ARHGAP15: variants seen among roughly 807,000 people sequenced by gnomAD.
The protein encoded by ARHGAP15 is Rho GTPase activating protein 15.
A neutral mutation model predicts 63.7 loss-of-function variants in ARHGAP15; 51 were observed. The ratio of observed to expected loss-of-function variants is 0.80; its 90% CI spans 0.64 to 1.01. The LOEUF is 1.01. ARHGAP15 is among the 50% of genes least tolerant of loss of function. ARHGAP15 has a pLI of 0.00. For synonymous variants in ARHGAP15, 191 were observed against 193.8 expected, an observed-to-expected ratio of 0.99 and a Z score of 0.12; for missense variants, 560 against 564.6, an observed-to-expected ratio of 0.99 and a Z score of 0.08.
intron 6 of ARHGAP15, among the ~76,000 whole-genome samples, chr2:143,413,018 T>G (rs1045537395): frequency 6.6e-6 from 1 of 152,210 alleles, no homozygotes; most frequent in Non-Finnish European, 1.5e-5. Context: ...TTCATCTTAC[T>G]TATATTTTGA....
intron 6 of ARHGAP15, among the ~76,000 whole-genome samples, chr2:143,332,497 A>C (rs761444966): frequency 6.6e-6 from 1 of 152,190 alleles, no homozygotes; most frequent in Non-Finnish European, 1.5e-5. Context: ...GAAAAGATGA[A>C]TATCACTTCA....
intron 12 of ARHGAP15, among the ~76,000 whole-genome samples, chr2:143,626,324 G>A (rs533336984): frequency 2.0e-5 from 3 of 152,160 alleles, no homozygotes; most frequent in Non-Finnish European, 4.4e-5. Flanking sequence ...AGAAGAGAGA[G>A]GAGACTTCGT....
At chr2:143,385,829 A>AT (rs1687266353) in intron 6 of ARHGAP15, among the ~76,000 whole-genome samples, 1 of 152,068 alleles carries the variant, frequency 6.6e-6, no homozygotes, top group Non-Finnish European at 1.5e-5. Context: ...ATTGATCTAG[A>AT]TTTTTTAGGT....
In ARHGAP15 at chr2:143,253,142, A is replaced by C. The variant is rs75203971; in HGVS notation, c.474+2542A>C. On this transcript the variant is annotated intron_variant, in intron 6 of 13. Coordinates refer to ENST00000295095, the MANE Select transcript of ARHGAP15 (RefSeq NM_018460.4). ...TTACAGATAGCAAATGACTATTGAGATTTTTGGTTCAAGGAAAATCAAAGA... is the reference window on the plus strand; with the variant it reads ...TTACAGATAGCAAATGACTATTGAGCTTTTTGGTTCAAGGAAAATCAAAGA... Among the ~76,000 whole-genome samples, 1,487 of 152,064 alleles carry C rather than the reference A, an allele frequency of 9.8e-3. 13 individuals are homozygous for C. The highest frequency in any genetic ancestry group is 0.015 in the Non-Finnish European group (1,045 of 67,952).
intron 2 of ARHGAP15, chr2:143,162,451 A>G (rs549802417): frequency 6.6e-6 from 1 of 152,122 alleles, no homozygotes; most frequent in Admixed American, 6.6e-5. Context: ...GCAGAGCAGT[A>G]CTAGAGATTA....
At chr2:143,563,841 T>G (rs1327439919) in intron 11 of ARHGAP15, 1 of 152,268 alleles carries the variant, frequency 6.6e-6, no homozygotes, top group East Asian at 1.9e-4. Context: ...CGGCCTTGAC[T>G]GCATATCAGA....
chr2:143,211,559 C>T (rs1268907801), intron 3 of ARHGAP15, among the ~76,000 whole-genome samples: 1 of 152,022 alleles, frequency 6.6e-6, no homozygotes, highest in South Asian at 2.1e-4. Context: ...GCTAAATCTG[C>T]TTGATAATTA....
chr2:143,326,356 G>A (rs1361924528), intron 6 of ARHGAP15, among the ~76,000 whole-genome samples: 1 of 152,092 alleles, frequency 6.6e-6, no homozygotes, highest in Non-Finnish European at 1.5e-5. Flanking sequence ...GTGACAAAAT[G>A]GAAGTTCAGA....
intron 6 of ARHGAP15, among the ~76,000 whole-genome samples, chr2:143,425,439 C>A (rs10200379): frequency 0.54 from 81,471 of 151,148 alleles, 22,314 homozygotes; most frequent in Admixed American, 0.61. Context: ...ATACGTATCA[C>A]TACATCATAT....
intron 13 of ARHGAP15, among the ~76,000 whole-genome samples, chr2:143,728,546 A>C (rs1685387346): frequency 6.6e-6 from 1 of 152,190 alleles, no homozygotes; most frequent in Non-Finnish European, 1.5e-5. Flanking sequence ...AACCTAAATT[A>C]ATATTTGTAA....
At chr2:143,531,127 C>CTTGCGTGTGTGTGCGT (rs1553497438) in intron 10 of ARHGAP15, among the ~76,000 whole-genome samples, 1 of 151,880 alleles carries the variant, frequency 6.6e-6, no homozygotes, top group African/African-American at 2.4e-5. Context: ...TGTGTGTGCG[C>CTTGCGTGTGTGTGCGT]GCATGTGTGT....
At chr2:143,611,413 A>G (rs1291358850) in intron 11 of ARHGAP15, among the ~76,000 whole-genome samples, 1 of 152,210 alleles carries the variant, frequency 6.6e-6, no homozygotes, top group Non-Finnish European at 1.5e-5. Flanking sequence ...CGAGCAAGTT[A>G]TTTAATTTCT....
chr2:143,536,151 C>G (rs1694747505), intron 10 of ARHGAP15, among the ~76,000 whole-genome samples: 1 of 152,282 alleles, frequency 6.6e-6, no homozygotes, highest in East Asian at 1.9e-4. Flanking sequence ...TTTATTCCTT[C>G]TAGCTAATTA....
At chr2:143,356,734 T>A (rs1685825896) in intron 6 of ARHGAP15, among the ~76,000 whole-genome samples, 2 of 152,116 alleles carry the variant, frequency 1.3e-5, no homozygotes, top group African/African-American at 2.4e-5. Context: ...GAGTTAATTT[T>A]AAAAAAATCC....
intron 3 of ARHGAP15, among the ~76,000 whole-genome samples, chr2:143,208,622 T>C (rs567691038): frequency 1.3e-5 from 2 of 152,144 alleles, no homozygotes; most frequent in African/African-American, 2.4e-5. Context: ...AGAATCGGTG[T>C]GGTTGCTTAG....
chr2:143,444,907 A>G (rs565222627), intron 8 of ARHGAP15, among the ~76,000 whole-genome samples: 1 of 152,150 alleles, frequency 6.6e-6, no homozygotes, highest in Non-Finnish European at 1.5e-5. Context: ...GGATGACTTG[A>G]GAAACCTAAA....
In ARHGAP15 at chr2:143,228,588, T is replaced by C. The variant is rs1183585133; in HGVS notation, c.304T>C (p.Trp102Arg). The C allele has an allele frequency of 6.9e-6, 11 of 1,604,236 alleles. No homozygotes were observed. Among genetic ancestry groups the C allele is most frequent in the Admixed American group, 1.7e-5 (1 of 58,670 alleles). Residue 102 changes from tryptophan to arginine, a missense_variant, in exon 5 of 14, where the codon TGG (tryptophan) becomes CGG (arginine). Physicochemically the swap from Trp to Arg is moderately radical, Grantham distance 101. Coordinates refer to ENST00000295095, the MANE Select transcript of ARHGAP15 (RefSeq NM_018460.4). ...TTATTTTTTTGTCCTAAGGAAAAAC[T>C]GGTCTACTTCCTGGATTGTTCTTTC... The part of the protein sequence containing the change: ...ADGGKKLRKN[W>R]STSWIVLSSR...
At position 143,476,283 on chromosome 2, in the gene ARHGAP15, TA is replaced by T. The variant is rs1162144668; in HGVS notation, c.704-11082del. ...CATGTTTAATAATAATATTTTCAAG[TA>T]AAAAAAATAAATCTGGAATTCTTCC... On this transcript the variant is annotated intron_variant, in intron 8 of 13. Coordinates refer to ENST00000295095, the MANE Select transcript of ARHGAP15 (RefSeq NM_018460.4). Among the ~76,000 whole-genome samples the T allele has an allele frequency of 9.2e-5, 14 of 152,028 alleles. No homozygotes were observed. The East Asian group carries it at 2.3e-3, about 25-fold the overall frequency.
chr2:143,396,205 G>T (rs965230503), intron 6 of ARHGAP15, among the ~76,000 whole-genome samples: 6 of 152,086 alleles, frequency 3.9e-5, no homozygotes, highest in East Asian at 1.9e-4. Flanking sequence ...TTTTTTCTGA[G>T]TCTATTTTAT....
Sources: allele counts gnomAD v4.1 joint callset (sites outside exome capture counted in the v4.1 genomes callset), GRCh38; gene constraint gnomAD v4.1.1; transcripts MANE v1.5; gene names NCBI Gene and HGNC (gene_info 2026-07-23, HGNC 2026-07-21).